Variants in AGMO observed in about 807,000 individuals in gnomAD.
AGMO encodes glyceryl-ether monooxygenase.
A neutral mutation model predicts 60.2 loss-of-function variants in AGMO; 75 were observed. That is an observed-to-expected ratio of 1.25 (90% CI 1.03 to 1.51). The LOEUF (loss-of-function observed/expected upper bound fraction) is 1.51. Among genes scored for constraint, AGMO ranks in the 40% most tolerant of loss-of-function variants. The probability of loss-of-function intolerance (pLI) is 0.00; values close to 1 mark genes in which losing one functional copy is unlikely to be tolerated. For missense variants in AGMO, 763 were observed against 525.5 expected, an observed-to-expected ratio of 1.45 and a Z score of -4.42; for synonymous variants, 261 against 177.1, an observed-to-expected ratio of 1.47 and a Z score of -3.76.
At chr7:15,561,536 A>G (rs565030353) in intron 1 of AGMO, among the ~76,000 whole-genome samples, 184 bp downstream of exon 1, 10 of 152,318 alleles carry the variant, frequency 6.6e-5, no homozygotes, top group Non-Finnish European at 2.9e-5. Flanking sequence ...GAAGATGGCT[A>G]TGGATTGTAA....
chr7:15,394,114 A>G lies in AGMO; in HGVS notation c.675T>C (p.His225=), dbSNP rs762448591. The change falls in exon 6 of 13, where the codon CAT becomes CAC. Residue 225 remains histidine (H), a splice_region_variant and synonymous_variant. Transcript: ENST00000342526. ...AGAGAAGAAACAAAACTTCCTTACC[A>G]TGATGAACCCTATGATGGCTAGGAG... ...LNTPSHHRVH[H]GRNRYCIDKN... The G allele has an allele frequency of 6.2e-7, 1 of 1,608,386 alleles. No individual in the cohort carries two copies. Among genetic ancestry groups the G allele is most frequent in the Non-Finnish European group, 8.5e-7 (1 of 1,176,000 alleles).
chr7:15,134,822 C>T, the AGMO span, among the ~76,000 whole-genome samples: 1 of 146,636 alleles, frequency 6.8e-6, no homozygotes, highest in Non-Finnish European at 1.5e-5. Context: ...AAAAGATTTT[C>T]TGTAAAACAC....
At chr7:15,533,104 C>T (rs1015037648) in intron 3 of AGMO, among the ~76,000 whole-genome samples, 2 of 152,086 alleles carry the variant, frequency 1.3e-5, no homozygotes, top group African/African-American at 4.8e-5. Context: ...TCCTTAAGTA[C>T]TTTCTGTTTC....
intron 3 of AGMO, among the ~76,000 whole-genome samples, chr7:15,516,267 G>A (rs1272645279): frequency 6.6e-6 from 1 of 152,072 alleles, no homozygotes; most frequent in Non-Finnish European, 1.5e-5. Flanking sequence ...AGAAGATGGT[G>A]AGGGAAGCAT....
chr7:15,360,605 T>TG (rs1434204828), intron 12 of AGMO, among the ~76,000 whole-genome samples: 1 of 152,132 alleles, frequency 6.6e-6, no homozygotes, highest in Non-Finnish European at 1.5e-5. Flanking sequence ...GAGGTGGGTT[T>TG]GGCCTTGCTA....
the AGMO span, among the ~76,000 whole-genome samples, chr7:15,160,847 T>C: frequency 2.0e-5 from 3 of 152,182 alleles, no homozygotes; most frequent in African/African-American, 4.8e-5. Flanking sequence ...TATAAAAGAA[T>C]GCATGAGGCT....
intron 12 of AGMO, among the ~76,000 whole-genome samples, chr7:15,260,000 G>T (rs1783220981): frequency 7.1e-6 from 1 of 141,386 alleles, no homozygotes; most frequent in African/African-American, 2.6e-5. Flanking sequence ...AATCTCACAG[G>T]ACCTATATAA....
In AGMO at chr7:15,245,575, GCACCATAAATATTC is replaced by G. The variant is rs373266751; in HGVS notation, c.1264-44230_1264-44217del. 1.7e-3 allele frequency among the ~76,000 whole-genome samples: 261 copies of G among 152,010 alleles called. 1 individual carries two copies. Among genetic ancestry groups the G allele is most frequent in the African/African-American group, 6.0e-3 (248 of 41,320 alleles). ...TAAATCACTATCATAGAGGTATTGT[GCACCATAAATATTC>G]CAAGACTACCATCAGAAACCTGCAA... is the stretch of plus-strand genomic sequence containing the variant. On this transcript the variant is annotated intron_variant, in intron 12 of 12. Coordinates refer to ENST00000342526, the MANE Select transcript of AGMO (RefSeq NM_001004320.2).
At chr7:15,501,399 G>A (rs1223474289) in intron 3 of AGMO, among the ~76,000 whole-genome samples, 4 of 151,932 alleles carry the variant, frequency 2.6e-5, no homozygotes, top group Non-Finnish European at 5.9e-5. Flanking sequence ...GCAGAATGTT[G>A]ATAATTTTGA....
chr7:15,560,165 G>A lies in AGMO; in HGVS notation c.233C>T (p.Ala78Val), dbSNP rs768412095. The A allele has an allele frequency of 3.7e-6, 6 of 1,612,622 alleles. No homozygotes were observed. The East Asian group carries it at 1.1e-4, about 30-fold the overall frequency. The change falls in exon 2 of 13, where the codon GCT (alanine) becomes GTT (valine). Residue 78 changes from alanine (A) to valine (V), a missense_variant. Ala to Val is a moderately conservative substitution (Grantham distance 64). Transcript: ENST00000342526. ...CCTTGGAAGTCGAGACAGAACACCA[G>A]CTGAGATTGACGTTAAAGCATCATC... ...RLDDALTSIS[A>V]GVLSRLPSLF...
intron 3 of AGMO, among the ~76,000 whole-genome samples, chr7:15,437,246 C>T (rs1781427114): frequency 6.6e-6 from 1 of 152,118 alleles, no homozygotes; most frequent in Non-Finnish European, 1.5e-5. Flanking sequence ...ATAACTCATT[C>T]ACTTCCTATA....
At chr7:15,395,260 G>A (rs1784325178) in intron 5 of AGMO, among the ~76,000 whole-genome samples, 1 of 152,040 alleles carries the variant, frequency 6.6e-6, no homozygotes, top group Admixed American at 6.6e-5. Context: ...ATGCGAAAGG[G>A]CAAAATAGTC....
intron 2 of AGMO, among the ~76,000 whole-genome samples, chr7:15,551,214 C>T (rs1348797356): frequency 6.6e-6 from 1 of 152,032 alleles, no homozygotes; most frequent in African/African-American, 2.4e-5. Flanking sequence ...CAATATCATA[C>T]TGAATGGGCA....
intron 2 of AGMO, among the ~76,000 whole-genome samples, chr7:15,547,543 A>G (rs1268582948): frequency 6.6e-6 from 1 of 152,134 alleles, no homozygotes; most frequent in Non-Finnish European, 1.5e-5. Context: ...TCCGAGTCAA[A>G]GAAAGGGGTG....
chr7:15,291,641 A>C (rs1439061908), intron 12 of AGMO, among the ~76,000 whole-genome samples: 4 of 152,180 alleles, frequency 2.6e-5, no homozygotes, highest in Non-Finnish European at 4.4e-5. Context: ...TTTTGATGCT[A>C]AGAACCCTGC....
intron 5 of AGMO, among the ~76,000 whole-genome samples, chr7:15,407,387 A>T (rs1186256786): frequency 2.0e-5 from 3 of 151,460 alleles, no homozygotes; most frequent in Non-Finnish European, 4.4e-5. Flanking sequence ...AGAACAAGAA[A>T]TGTATAGGAT....
chr7:15,422,894 T>A (rs1337898043), intron 4 of AGMO, among the ~76,000 whole-genome samples: 2 of 152,172 alleles, frequency 1.3e-5, no homozygotes, highest in African/African-American at 4.8e-5. Context: ...ATGCAGACTG[T>A]GCTTCACAGA....
chr7:15,342,464 C>T (rs1378824179), intron 12 of AGMO, among the ~76,000 whole-genome samples: 1 of 151,554 alleles, frequency 6.6e-6, no homozygotes, highest in Non-Finnish European at 1.5e-5. Context: ...GGTAAACTCC[C>T]CACCCATCCC....
At chr7:15,118,165 T>A in the AGMO span, among the ~76,000 whole-genome samples, 1 of 49,062 alleles carries the variant, frequency 2.0e-5, no homozygotes, top group Non-Finnish European at 4.5e-5. Flanking sequence ...TAAAAACCAC[T>A]AAAGAGAAAC....
Sources: gnomAD v4.1 joint callset for allele counts (sites outside exome capture counted in the v4.1 genomes callset) on GRCh38, gnomAD v4.1.1 for gene constraint, MANE v1.5 for transcripts, NCBI Gene and HGNC (gene_info 2026-07-23, HGNC 2026-07-21) for gene names.